Variants in GPHN observed in about 807,000 individuals in gnomAD.
The protein encoded by GPHN is gephyrin.
In GPHN, 17 loss-of-function variants were observed where a neutral mutation model predicts 95.5. The ratio of observed to expected loss-of-function variants is 0.18; its 90% CI spans 0.12 to 0.27. The LOEUF (loss-of-function observed/expected upper bound fraction) is 0.27. Among genes scored for constraint, GPHN ranks in the 10% least tolerant of loss-of-function variants. GPHN has a pLI of 1.00. For synonymous variants in GPHN, 320 were observed against 322.5 expected, an observed-to-expected ratio of 0.99 and a Z score of 0.08; for missense variants, 660 against 978.1, an observed-to-expected ratio of 0.67 and a Z score of 4.34.
At chr14:66,844,135 C>T (rs578004466) in intron 4 of GPHN, among the ~76,000 whole-genome samples, 145 of 151,906 alleles carry the variant, frequency 9.5e-4, no homozygotes, top group Middle Eastern at 3.4e-3. Context: ...TCTATTTTTT[C>T]CTTTGAGAAT....
chr14:66,849,984 A>G (rs2062509956), intron 4 of GPHN, among the ~76,000 whole-genome samples: 1 of 152,148 alleles, frequency 6.6e-6, no homozygotes, highest in African/African-American at 2.4e-5. Context: ...CATTAAGTTA[A>G]TAAAATACAA....
chr14:67,125,143 T>A (rs1315006212), intron 17 of GPHN, among the ~76,000 whole-genome samples: 2 of 152,024 alleles, frequency 1.3e-5, no homozygotes, highest in African/African-American at 4.8e-5. Flanking sequence ...AAGAAATTGA[T>A]GCAAATCTAG....
intron 11 of GPHN, among the ~76,000 whole-genome samples, chr14:67,085,494 C>T (rs1053124321): frequency 6.6e-6 from 1 of 152,184 alleles, no homozygotes; most frequent in Non-Finnish European, 1.5e-5. Context: ...TATAATACAG[C>T]TGTCAGTATC....
chr14:67,108,941 G>A (rs1224402731), intron 13 of GPHN, among the ~76,000 whole-genome samples: 1 of 152,032 alleles, frequency 6.6e-6, no homozygotes, highest in African/African-American at 2.4e-5. Context: ...GATATATTCT[G>A]AGAAATATGT....
In GPHN at chr14:66,781,225, T is replaced by G. The variant is rs889236442; in HGVS notation, c.201+4704T>G. 2.2e-4 allele frequency among the ~76,000 whole-genome samples: 32 copies of G among 145,796 alleles called. 1 individual carries two copies. The highest frequency in any genetic ancestry group is 8.0e-4 in the African/African-American group (32 of 39,834). ...GTAACCACTATTCTGACTTCTTTCT[T>G]TTTTTTTTTTTTTGATACGGAGTCT... On this transcript the variant is annotated intron_variant, in intron 3 of 22. Transcript: ENST00000478722.
At chr14:66,629,638 G>GT (rs1384931580) in intron 1 of GPHN, among the ~76,000 whole-genome samples, 28 of 152,058 alleles carry the variant, frequency 1.8e-4, no homozygotes, top group Admixed American at 1.8e-3. Flanking sequence ...TTGTGCTATA[G>GT]TTTTTTTATA....
chr14:66,845,056 T>C (rs2062262993), intron 4 of GPHN, among the ~76,000 whole-genome samples: 1 of 152,196 alleles, frequency 6.6e-6, no homozygotes, highest in Non-Finnish European at 1.5e-5. Flanking sequence ...TATTAGAATT[T>C]CATCCCTTTT....
At chr14:66,530,953 ATTTTTT>A (rs569763873) in intron 1 of GPHN, among the ~76,000 whole-genome samples, 1 of 121,184 alleles carries the variant, frequency 8.3e-6, no homozygotes, top group East Asian at 2.4e-4. Context: ...TGTTTGTTAG[ATTTTTT>A]TTTTTTTTTT....
rs113633811 is a variant in GPHN, at chr14:66,945,321, C to A, written c.829-19870C>A. Among the ~76,000 whole-genome samples the A allele has an allele frequency of 3.1e-3, 472 of 152,336 alleles. 11 individuals are homozygous for A. The highest frequency in any genetic ancestry group is 0.011 in the African/African-American group (447 of 41,578). The stretch of plus-strand genomic sequence containing the variant: ...TCCTCCCCACTGCAAATGGTGCGAA[C>A]TTCTAAACTTCCCATAGCTCCACCC... On this transcript the variant is annotated intron_variant, in intron 8 of 22. Coordinates refer to ENST00000478722, the MANE Select transcript of GPHN (RefSeq NM_020806.5).
intron 5 of GPHN, among the ~76,000 whole-genome samples, chr14:66,907,465 G>T (rs1008385739): frequency 6.6e-6 from 1 of 152,116 alleles, no homozygotes; most frequent in Admixed American, 6.5e-5. Context: ...AGATTTTTTA[G>T]AGCAGTAACA....
At chr14:67,726,024 T>A in the GPHN span, 2 of 1,505,218 alleles carry the variant, frequency 1.3e-6, no homozygotes, top group South Asian at 2.2e-5. Flanking sequence ...TTGCTAACCA[T>A]AGGATCTCTT....
the GPHN span, among the ~76,000 whole-genome samples, chr14:67,371,723 CTGCTATATA>C: frequency 2.0e-4 from 31 of 152,318 alleles, no homozygotes; most frequent in Admixed American, 1.9e-3. Context: ...AACAGCACTG[CTGCTATATA>C]TGCAATCTAT....
chr14:66,965,897 G>A (rs1327544736), intron 9 of GPHN, among the ~76,000 whole-genome samples: 1 of 151,662 alleles, frequency 6.6e-6, no homozygotes, highest in Non-Finnish European at 1.5e-5. Flanking sequence ...TTTATAATCT[G>A]TCACTGAATT....
At chr14:67,719,490 T>C in the GPHN span, among the ~76,000 whole-genome samples, 2 of 152,180 alleles carry the variant, frequency 1.3e-5, no homozygotes, top group Non-Finnish European at 2.9e-5. Flanking sequence ...TTTCTTTTTT[T>C]TAGAGACAGG....
the GPHN span, among the ~76,000 whole-genome samples, chr14:67,480,634 ACC>A: frequency 6.6e-6 from 1 of 152,012 alleles, no homozygotes; most frequent in East Asian, 1.9e-4. Context: ...TGGACCTCCT[ACC>A]CCAACTCAGG....
At chr14:67,695,747 G>A in the GPHN span, 3 of 1,580,446 alleles carry the variant, frequency 1.9e-6, no homozygotes, top group Non-Finnish European at 2.6e-6. Flanking sequence ...CTCCAGCGTT[G>A]CTCGCCGACT....
At chr14:67,683,539 T>C in the GPHN span, among the ~76,000 whole-genome samples, 1 of 152,142 alleles carries the variant, frequency 6.6e-6, no homozygotes, top group Non-Finnish European at 1.5e-5. Flanking sequence ...GATTTCCTTC[T>C]GCAGAATCAC....
At chr14:66,783,965 G>A (rs2059689121) in intron 3 of GPHN, among the ~76,000 whole-genome samples, 1 of 152,050 alleles carries the variant, frequency 6.6e-6, no homozygotes, top group Admixed American at 6.6e-5. Context: ...TGTCCTAGGT[G>A]ACAATAAAAA....
Position 66,873,495 on chromosome 14 carries a change from C to A in GPHN, c.295-6444C>A, listed in dbSNP as rs541247964. Among the ~76,000 whole-genome samples, 6 of 152,314 alleles carry A rather than the reference C, an allele frequency of 3.9e-5. No homozygotes were observed. The South Asian group carries it at 1.2e-3, about 32-fold the overall frequency. On this transcript the variant is annotated intron_variant, in intron 4 of 22. Transcript: ENST00000478722. ...CAGATCCCACCCACACAGAACCCAG[C>A]AAGCTAAGATCCACTGGTGTGAAAT...
Sources: gnomAD v4.1 joint callset for allele counts (sites outside exome capture counted in the v4.1 genomes callset) on GRCh38, gnomAD v4.1.1 for gene constraint, MANE v1.5 for transcripts, NCBI Gene and HGNC (gene_info 2026-07-23, HGNC 2026-07-21) for gene names.